MAP3K20: variants seen among roughly 807,000 people sequenced by gnomAD.
MAP3K20 encodes the protein HCCS-4.
MAP3K20 carries 40 observed loss-of-function variants against 85.7 expected under a neutral mutation model. The ratio of observed to expected loss-of-function variants is 0.47; its 90% CI spans 0.36 to 0.61. MAP3K20 has a LOEUF of 0.61. Ranked by LOEUF, MAP3K20 falls within the 20% of genes least tolerant of loss-of-function variation. MAP3K20 has a pLI of 0.00. For synonymous variants in MAP3K20, 325 were observed against 327.7 expected, an observed-to-expected ratio of 0.99 and a Z score of 0.09; for missense variants, 817 against 961.7, an observed-to-expected ratio of 0.85 and a Z score of 1.99.
chr2:173,267,152 C>T lies in MAP3K20; in HGVS notation c.*402C>T, dbSNP rs980127067. 3 of 155,530 alleles carry T rather than the reference C, an allele frequency of 1.9e-5. No homozygotes were observed. The highest frequency in any genetic ancestry group is 6.5e-5 in the Admixed American group (1 of 15,394). The allele number at this position is 155,530 out of a possible 1,614,324, so 9.6% of individuals were successfully genotyped here. On this transcript the variant is annotated 3_prime_UTR_variant, in exon 20 of 20. Transcript: ENST00000375213. ...TACTGATTTTTCCTTTTGGCTGAGGCTGCAATATGGCCTGGCAAGGCACTG... is the reference window on the plus strand; with the variant it reads ...TACTGATTTTTCCTTTTGGCTGAGGTTGCAATATGGCCTGGCAAGGCACTG...
chr2:173,237,884 G>A (rs546961180), intron 14 of MAP3K20, among the ~76,000 whole-genome samples: 1 of 152,296 alleles, frequency 6.6e-6, no homozygotes, highest in South Asian at 2.1e-4. Context: ...TCTTTAAAAT[G>A]TCTTCTTTCT....
rs1012949979 is a variant in MAP3K20 at position 173,247,583 on chromosome 2, T to C, written c.1359+8087T>C. 2.6e-5 allele frequency among the ~76,000 whole-genome samples: 4 copies of C among 152,330 alleles called. No homozygotes were observed. In the East Asian group the frequency reaches 7.7e-4, roughly 29 times the overall value. On this transcript the variant is annotated intron_variant, in intron 16 of 19. Coordinates refer to ENST00000375213, the MANE Select transcript of MAP3K20 (RefSeq NM_016653.3). ...ACATGTATGCACACATGAATTTGTGTCCCTAAGTATCTAAGATGAATAAGT... is the reference window on the plus strand; with the variant it reads ...ACATGTATGCACACATGAATTTGTGCCCCTAAGTATCTAAGATGAATAAGT...
intron 16 of MAP3K20, among the ~76,000 whole-genome samples, chr2:173,246,151 T>C (rs79518718): frequency 0.055 from 8,431 of 152,212 alleles, 894 homozygotes; most frequent in East Asian, 0.52. Context: ...ATCCTCTTCA[T>C]GAGGAAACTG....
chr2:173,168,102 TTTC>T (rs1689889876), intron 2 of MAP3K20, among the ~76,000 whole-genome samples: 1 of 150,430 alleles, frequency 6.6e-6, no homozygotes. Flanking sequence ...ATAAACTTTA[TTTC>T]TAATAATAAT....
intron 11 of MAP3K20, chr2:173,224,824 T>TTAA: frequency 1.0e-6 from 1 of 984,914 alleles, no homozygotes; most frequent in Non-Finnish European, 1.2e-6. Flanking sequence ...TTAGACTCTA[T>TTAA]TAATTTTAAA....
At chr2:173,233,918 C>G (rs1684585742) in intron 14 of MAP3K20, among the ~76,000 whole-genome samples, 1 of 152,186 alleles carries the variant, frequency 6.6e-6, no homozygotes. Flanking sequence ...TGTCTTCTCC[C>G]TCTTAGAAGA....
rs887828006 is a variant in MAP3K20 at position 173,266,087 on chromosome 2, G to A, written c.1740G>A (p.Arg580=). 10 of 1,595,182 alleles carry A rather than the reference G, an allele frequency of 6.3e-6. No individual in the cohort carries two copies. The African/African-American group carries it at 9.4e-5, about 15-fold the overall frequency. ...AGTGGTTAGATACTCTGAGGATGCG[G>A]CAGATTGCATCCAACACTTCTTTAC... The part of the protein sequence containing the change: ...DCQWLDTLRM[R]QIASNTSLQR... Residue 580 remains arginine, a synonymous_variant, in exon 20 of 20, where the codon CGG becomes CGA. Coordinates refer to ENST00000375213, the MANE Select transcript of MAP3K20 (RefSeq NM_016653.3).
chr2:173,152,274 A>G (rs1381886816), intron 2 of MAP3K20, among the ~76,000 whole-genome samples: 1 of 152,192 alleles, frequency 6.6e-6, no homozygotes, highest in Non-Finnish European at 1.5e-5. Flanking sequence ...TTACATGCAG[A>G]ACGATTCTTG....
chr2:173,234,294 T>G (rs1481273934), intron 14 of MAP3K20, among the ~76,000 whole-genome samples: 2 of 152,176 alleles, frequency 1.3e-5, no homozygotes, highest in Non-Finnish European at 1.5e-5. Context: ...TAAGTACCCC[T>G]TTCATGCTGA....
intron 2 of MAP3K20, among the ~76,000 whole-genome samples, chr2:173,122,846 G>C (rs1406716477): frequency 6.6e-6 from 1 of 152,118 alleles, no homozygotes; most frequent in Non-Finnish European, 1.5e-5. Flanking sequence ...ACTCAGTGCT[G>C]CTACTTTTTC....
intron 2 of MAP3K20, among the ~76,000 whole-genome samples, chr2:173,128,246 T>C (rs1188261044): frequency 1.3e-5 from 2 of 152,186 alleles, no homozygotes; most frequent in Admixed American, 1.3e-4. Context: ...AGAAATGACA[T>C]TGATTTGAGT....
intron 15 of MAP3K20, 25 bp from the exon 16 acceptor site, chr2:173,239,379 A>C: frequency 6.3e-7 from 1 of 1,580,054 alleles, no homozygotes; most frequent in Non-Finnish European, 8.6e-7. Flanking sequence ...ATCTAGAATA[A>C]TTGGTGCTTG....
At chr2:173,196,331 C>T (rs1024212340) in intron 7 of MAP3K20, among the ~76,000 whole-genome samples, 1 of 152,148 alleles carries the variant, frequency 6.6e-6, no homozygotes, top group Admixed American at 6.5e-5. Context: ...CCCAGCCTCC[C>T]TCCCTGTGTA....
intron 2 of MAP3K20, among the ~76,000 whole-genome samples, chr2:173,121,669 G>A (rs1362795626): frequency 6.6e-6 from 1 of 151,868 alleles, no homozygotes. Context: ...TTACAGTCGT[G>A]AGCCACCGCG....
rs907587796 is a variant in MAP3K20 at position 173,161,579 on chromosome 2, A to G, written c.160-8226A>G. Among the ~76,000 whole-genome samples the G allele has an allele frequency of 1.9e-3, 291 of 152,292 alleles. 1 individual carries two copies. Among genetic ancestry groups the G allele is most frequent in the Non-Finnish European group, 4.4e-4 (30 of 68,028 alleles). Reference sequence around the variant, plus strand: ...ATCTGACTTTTCTCACTCATGTGGTATTATACTAGATATTTTATAAGAGGA... The same window carrying G: ...ATCTGACTTTTCTCACTCATGTGGTGTTATACTAGATATTTTATAAGAGGA... On this transcript the variant is annotated intron_variant, in intron 2 of 19. Coordinates refer to ENST00000375213, the MANE Select transcript of MAP3K20 (RefSeq NM_016653.3).
chr2:173,116,327 A>G (rs1358822969), intron 2 of MAP3K20, among the ~76,000 whole-genome samples: 7 of 152,208 alleles, frequency 4.6e-5, no homozygotes, highest in Non-Finnish European at 7.3e-5. Flanking sequence ...TATACAATAT[A>G]TTGTTACAAA....
chr2:173,153,156 A>T (rs1448547951), intron 2 of MAP3K20, among the ~76,000 whole-genome samples: 1 of 152,214 alleles, frequency 6.6e-6, no homozygotes, highest in African/African-American at 2.4e-5. Context: ...CTGATACCAC[A>T]TTCAGCTGAT....
intron 3 of MAP3K20, among the ~76,000 whole-genome samples, chr2:173,178,879 A>G (rs1448042037): frequency 6.6e-6 from 1 of 152,166 alleles, no homozygotes; most frequent in South Asian, 2.1e-4. Flanking sequence ...ATGAATATAG[A>G]TGTAAAAATT....
intron 10 of MAP3K20, among the ~76,000 whole-genome samples, chr2:173,216,187 C>A (rs1684066259): frequency 6.6e-6 from 1 of 152,178 alleles, no homozygotes; most frequent in South Asian, 2.1e-4. Flanking sequence ...TGCAACAGCC[C>A]TAAAGGAGAA....
Sources: allele counts gnomAD v4.1 joint callset (sites outside exome capture counted in the v4.1 genomes callset), GRCh38; gene constraint gnomAD v4.1.1; transcripts MANE v1.5; gene names NCBI Gene and HGNC (gene_info 2026-07-23, HGNC 2026-07-21).